The following GABBR2 variants were observed in gnomAD, a reference collection of about 807,000 sequenced individuals.
GABBR2 encodes gamma-aminobutyric acid type B receptor subunit 2.
Under a neutral mutation model 105.6 loss-of-function variants are expected in GABBR2, and 23 were observed. That is an observed-to-expected ratio of 0.22 (90% CI 0.16 to 0.31). GABBR2 has a LOEUF of 0.31. Ranked by LOEUF, GABBR2 falls within the 10% of genes least tolerant of loss-of-function variation. The pLI, the probability that GABBR2 is intolerant of heterozygous loss-of-function variation, is 1.00. For synonymous variants in GABBR2, 478 were observed against 499.7 expected (o/e 0.96, Z 0.58); for missense variants, 734 against 1,245.5 (o/e 0.59, Z 6.18).
At chr9:98,394,344 G>T (rs958084189) in intron 8 of GABBR2, 89 bp from the exon 9 acceptor site, 39 of 860,604 alleles carry the variant, frequency 4.5e-5, no homozygotes, top group Non-Finnish European at 7.7e-5. Flanking sequence ...TCCCCTCACA[G>T]GCCCTGGATA....
chr9:98,605,736 CT>C (rs1260264781), intron 1 of GABBR2, among the ~76,000 whole-genome samples: 1 of 152,198 alleles, frequency 6.6e-6, no homozygotes, highest in Non-Finnish European at 1.5e-5. Context: ...ATTTCTTCAC[CT>C]GTAATTCGGG....
intron 7 of GABBR2, among the ~76,000 whole-genome samples, chr9:98,410,516 T>C (rs549983077): frequency 6.6e-6 from 1 of 150,552 alleles, no homozygotes; most frequent in South Asian, 2.1e-4. Context: ...TTTTTTTTTT[T>C]TTTTTTTTCT....
rs565912796 is a variant in GABBR2, at chr9:98,617,153, T to C, written c.322-39081A>G. Reference sequence around the variant, plus strand: ...CCACCACGATAAATTCTCTTTATGATGGATGATCACAAGTTTCTGTCAGAT... The same window carrying C: ...CCACCACGATAAATTCTCTTTATGACGGATGATCACAAGTTTCTGTCAGAT... On this transcript the variant is annotated intron_variant, in intron 1 of 18. Transcript: ENST00000259455. 9.8e-5 allele frequency among the ~76,000 whole-genome samples: 15 copies of C among 152,302 alleles called. No individual in the cohort carries two copies. In the South Asian group the frequency reaches 2.9e-3, roughly 29 times the overall value.
At chr9:98,429,108 C>A (rs1825753049) in intron 7 of GABBR2, among the ~76,000 whole-genome samples, 1 of 141,964 alleles carries the variant, frequency 7.0e-6, no homozygotes, top group Non-Finnish European at 1.5e-5. Context: ...ATTAAAAACT[C>A]ACCCAGGTTT....
chr9:98,496,181 G>A, intron 4 of GABBR2: 3 of 559,858 alleles, frequency 5.4e-6, no homozygotes, highest in Middle Eastern at 4.8e-4. Context: ...AAACCATCAG[G>A]AAAGTGCTCA....
chr9:98,378,218 G>A (rs1293111935), intron 11 of GABBR2, among the ~76,000 whole-genome samples: 2 of 152,132 alleles, frequency 1.3e-5, no homozygotes, highest in Non-Finnish European at 2.9e-5. Flanking sequence ...GAAAATCCCA[G>A]TACCTCTAGG....
At chr9:98,657,809 T>C (rs1200488285) in intron 1 of GABBR2, among the ~76,000 whole-genome samples, 3 of 152,278 alleles carry the variant, frequency 2.0e-5, no homozygotes, top group Non-Finnish European at 4.4e-5. Flanking sequence ...CAAGATCTGA[T>C]GGGTTTTTAA....
intron 1 of GABBR2, among the ~76,000 whole-genome samples, chr9:98,688,257 C>A (rs1020636876): frequency 6.6e-6 from 1 of 152,122 alleles, no homozygotes; most frequent in African/African-American, 2.4e-5. Context: ...GTGAATGTAA[C>A]AACAGGAAAT....
At chr9:98,561,876 T>C (rs533765842) in intron 2 of GABBR2, among the ~76,000 whole-genome samples, 2 of 152,236 alleles carry the variant, frequency 1.3e-5, no homozygotes, top group Non-Finnish European at 2.9e-5. Context: ...GGAATGAGAC[T>C]GTCTCTCAAA....
At chr9:98,297,609 G>A (rs188020755) in intron 17 of GABBR2, among the ~76,000 whole-genome samples, 31 of 150,990 alleles carry the variant, frequency 2.1e-4, no homozygotes, top group Admixed American at 1.3e-3. Context: ...GCGAAACCCC[G>A]TCTCAAAAAA....
intron 7 of GABBR2, among the ~76,000 whole-genome samples, chr9:98,412,172 G>A (rs1039235343): frequency 6.6e-6 from 1 of 152,140 alleles, no homozygotes; most frequent in Non-Finnish European, 1.5e-5. Flanking sequence ...TAGGGTCAGG[G>A]AGGCAAGAAG....
At chr9:98,536,805 A>G (rs1421241602) in intron 3 of GABBR2, among the ~76,000 whole-genome samples, 2 of 152,040 alleles carry the variant, frequency 1.3e-5, no homozygotes, top group Admixed American at 1.3e-4. Flanking sequence ...TCTCCAACAC[A>G]GACTTCGTGG....
At chr9:98,606,976 T>C in intron 1 of GABBR2, 4 of 792,078 alleles carry the variant, frequency 5.1e-6, no homozygotes, top group East Asian at 2.5e-5. Flanking sequence ...TCCAAACCGC[T>C]GCTCGCCCCA....
intron 3 of GABBR2, among the ~76,000 whole-genome samples, chr9:98,504,281 C>CAACTTGCTATAGCAACT (rs1827462560): frequency 6.6e-6 from 1 of 152,238 alleles, no homozygotes; most frequent in African/African-American, 2.4e-5. Context: ...CAACTTGCTA[C>CAACTTGCTATAGCAACT]TGCATTCAGA....
chr9:98,657,920 G>C (rs1030395472), intron 1 of GABBR2, among the ~76,000 whole-genome samples: 4 of 151,988 alleles, frequency 2.6e-5, no homozygotes, highest in Non-Finnish European at 5.9e-5. Context: ...AGTTTCCCGA[G>C]GCCTTCCCAG....
chr9:98,463,181 G>A (rs1011860784), intron 6 of GABBR2, among the ~76,000 whole-genome samples: 4 of 152,128 alleles, frequency 2.6e-5, no homozygotes, highest in African/African-American at 7.2e-5. Flanking sequence ...GAGTCACTGC[G>A]CCCAGCCAAT....
rs1825914539 is a variant in GABBR2, at chr9:98,436,347, CCATATATATATAT to C, written c.1236+17621_1236+17633del. On this transcript the variant is annotated intron_variant, in intron 7 of 18. Coordinates refer to ENST00000259455, the MANE Select transcript of GABBR2 (RefSeq NM_005458.8). ...ATATATATATACACACACACACACA[CCATATATATATAT>C]ATATATATATATATATATATATATA... Among the ~76,000 whole-genome samples the C allele has an allele frequency of 2.5e-3, 80 of 31,630 alleles. 12 individuals carry two copies. The highest frequency in any genetic ancestry group is 3.7e-3 in the South Asian group (3 of 804). The allele number at this position is 31,630 out of a possible 152,430, so 20.8% of individuals were successfully genotyped here. A position where few individuals can be genotyped will look rare whatever the true frequency, so the allele number is the denominator to read the frequency against.
chr9:98,438,892 CTTCT>C (rs1296614975), intron 7 of GABBR2, among the ~76,000 whole-genome samples: 2 of 151,940 alleles, frequency 1.3e-5, no homozygotes, highest in Non-Finnish European at 2.9e-5. Context: ...ATCCCTCTCC[CTTCT>C]CTCTCTCTCT....
At chr9:98,512,186 G>A (rs959110850) in intron 3 of GABBR2, among the ~76,000 whole-genome samples, 7 of 141,262 alleles carry the variant, frequency 5.0e-5, no homozygotes, top group African/African-American at 1.8e-4. Flanking sequence ...ATGCAGAAAA[G>A]GCCTTTGACA....
Sources: allele counts gnomAD v4.1 joint callset (sites outside exome capture counted in the v4.1 genomes callset), GRCh38; gene constraint gnomAD v4.1.1; transcripts MANE v1.5; gene names NCBI Gene and HGNC (gene_info 2026-07-23, HGNC 2026-07-21).